Variants in CPLX2 observed in about 807,000 individuals in gnomAD.
CPLX2 encodes complexin-2.
CPLX2 carries 5 observed loss-of-function variants against 16.3 expected under a neutral mutation model. That is an observed-to-expected ratio of 0.31 (90% CI 0.16 to 0.64). The LOEUF is 0.64. Ranked by LOEUF, CPLX2 falls within the 30% of genes least tolerant of loss-of-function variation. CPLX2 has a pLI of 0.79. For missense variants in CPLX2, 144 were observed against 181.4 expected (o/e 0.79, Z 1.18); for synonymous variants, 89 against 73.2 (o/e 1.22, Z -1.10).
intron 2 of CPLX2, among the ~76,000 whole-genome samples, chr5:175,843,117 C>T (rs1758976260): frequency 2.6e-5 from 4 of 152,130 alleles, no homozygotes; most frequent in African/African-American, 9.7e-5. Flanking sequence ...TAGGGGAGGG[C>T]CAGTCGGTCA....
At chr5:175,873,636 T>G (rs560725185) in intron 1 of CPLX2, among the ~76,000 whole-genome samples, 3 of 152,126 alleles carry the variant, frequency 2.0e-5, no homozygotes, top group Non-Finnish European at 2.9e-5. Flanking sequence ...TGAAATTGCA[T>G]GGAGGGAGTG....
At chr5:175,862,274 A>G (rs1759387149) in intron 2 of CPLX2, among the ~76,000 whole-genome samples, 3 of 152,262 alleles carry the variant, frequency 2.0e-5, no homozygotes, top group Non-Finnish European at 4.4e-5. Context: ...TAGGGAAGTC[A>G]GCCAAGAAAG....
intron 2 of CPLX2, among the ~76,000 whole-genome samples, chr5:175,823,813 C>G (rs1286855118): frequency 6.6e-6 from 1 of 152,142 alleles, no homozygotes; most frequent in African/African-American, 2.4e-5. Context: ...TAATGTATCT[C>G]CCTCTCCCCT....
intron 1 of CPLX2, among the ~76,000 whole-genome samples, chr5:175,804,851 A>G (rs1758167657): frequency 6.6e-6 from 1 of 152,204 alleles, no homozygotes; most frequent in African/African-American, 2.4e-5. Flanking sequence ...TTCAGACAAG[A>G]GGAAAAACCC....
intron 2 of CPLX2, among the ~76,000 whole-genome samples, chr5:175,819,651 C>T (rs998521606): frequency 6.6e-6 from 1 of 152,150 alleles, no homozygotes; most frequent in African/African-American, 2.4e-5. Flanking sequence ...AAGTGGGTGT[C>T]CTGGAACCTC....
At chr5:175,862,527 T>C (rs1437428492) in intron 2 of CPLX2, among the ~76,000 whole-genome samples, 1 of 152,204 alleles carries the variant, frequency 6.6e-6, no homozygotes, top group Non-Finnish European at 1.5e-5. Flanking sequence ...CCAAGAACTG[T>C]AAATCATCTG....
At chr5:175,866,470 G>A (rs930434661) in intron 2 of CPLX2, among the ~76,000 whole-genome samples, 5 of 152,216 alleles carry the variant, frequency 3.3e-5, no homozygotes, top group African/African-American at 1.2e-4. Flanking sequence ...ACATGAAAAT[G>A]CAAGGTTTCA....
At chr5:175,801,732 G>A (rs781323785) in intron 1 of CPLX2, among the ~76,000 whole-genome samples, 10 of 152,226 alleles carry the variant, frequency 6.6e-5, no homozygotes, top group African/African-American at 1.7e-4. Flanking sequence ...AGAAAGTGCC[G>A]TATGAGTACG....
In CPLX2 at chr5:175,845,509, T is replaced by C. The variant is rs73803064; in HGVS notation, c.-88-33143T>C. ...ATCAGGCAAAGGTCACTCCCCCTCA[T>C]GAGGGCCACTCCCCCTAGAGTAACT... On this transcript the variant is annotated intron_variant, in intron 2 of 4. Transcript: ENST00000359546. This position sits in a 1 kb window ranked among gnomAD's most constrained non-coding sequence, Gnocchi z 4.0. Among the ~76,000 whole-genome samples the C allele has an allele frequency of 0.086, 13,044 of 152,274 alleles. 1,050 individuals carry two copies. The highest frequency in any genetic ancestry group is 0.21 in the African/African-American group (8,864 of 41,524).
Position 175,876,502 on chromosome 5 carries a change from C to T in CPLX2, c.-88-2150C>T, listed in dbSNP as rs182324792. Among the ~76,000 whole-genome samples, 962 of 151,450 alleles carry T rather than the reference C, an allele frequency of 6.4e-3. 2 individuals carry two copies. The highest frequency in any genetic ancestry group is 0.01 in the Non-Finnish European group (712 of 67,926). Reference sequence around the variant, plus strand: ...AAGGGGAAGCAGGGATAGGAAAGAACTGAGTCACAGAACCAAGAGAGAAGG... The same window carrying T: ...AAGGGGAAGCAGGGATAGGAAAGAATTGAGTCACAGAACCAAGAGAGAAGG... On this transcript the variant is annotated intron_variant, in intron 1 of 3. Coordinates refer to ENST00000393745, the MANE Select transcript of CPLX2 (RefSeq NM_001008220.2).
chr5:175,837,232 GAAGA>G (rs1758854905), intron 2 of CPLX2, among the ~76,000 whole-genome samples: 3 of 152,198 alleles, frequency 2.0e-5, no homozygotes. Context: ...ACTTAGCTCT[GAAGA>G]AAGGCCTCGG....
intron 2 of CPLX2, among the ~76,000 whole-genome samples, chr5:175,823,779 C>T (rs537497720): frequency 2.3e-4 from 35 of 152,248 alleles, no homozygotes; most frequent in African/African-American, 6.3e-4. Flanking sequence ...AGCTTGGCCA[C>T]TACTTGAGGT....
intron 2 of CPLX2, among the ~76,000 whole-genome samples, chr5:175,817,986 C>G (rs1046140359): frequency 6.6e-6 from 1 of 152,176 alleles, no homozygotes; most frequent in African/African-American, 2.4e-5. Context: ...AGCAAACTTT[C>G]CTTCATTCAT....
intron 2 of CPLX2, among the ~76,000 whole-genome samples, chr5:175,828,496 C>T (rs1021453600): frequency 1.3e-5 from 2 of 152,158 alleles, no homozygotes; most frequent in African/African-American, 4.8e-5. Context: ...AACAAATAGA[C>T]TGCCGTATAA....
intron 2 of CPLX2, among the ~76,000 whole-genome samples, chr5:175,820,765 G>A (rs1758491490): frequency 6.6e-6 from 1 of 152,126 alleles, no homozygotes; most frequent in Non-Finnish European, 1.5e-5. Flanking sequence ...TAGGCACCAA[G>A]AGGCCCACCA....
At chr5:175,800,328 C>T (rs150274488) in intron 1 of CPLX2, among the ~76,000 whole-genome samples, 11 of 152,126 alleles carry the variant, frequency 7.2e-5, no homozygotes, top group East Asian at 5.8e-4. Context: ...TCAGAGCACA[C>T]GCAAAGAGCT....
intron 2 of CPLX2, among the ~76,000 whole-genome samples, chr5:175,855,472 G>C (rs1474539188): frequency 1.3e-5 from 2 of 152,184 alleles, no homozygotes; most frequent in African/African-American, 4.8e-5. Flanking sequence ...AAGGCCAAAG[G>C]AGTTATATTT....
chr5:175,882,323 G>GCATCCCCAGT lies in CPLX2; in HGVS notation c.*2279_*2280insATCCCCAGTC, dbSNP rs1755638828. 6.6e-6 allele frequency: 1 copy of GCATCCCCAGT among 152,590 alleles called. No individual in the cohort carries two copies. Among genetic ancestry groups the GCATCCCCAGT allele is most frequent in the Non-Finnish European group, 1.5e-5 (1 of 68,052 alleles). The allele number at this position is 152,590 out of a possible 1,614,324, so 9.5% of individuals were successfully genotyped here. ...GCAGGGCCCAGTCCAGGGGCCCCAGGCCTCCCCAGTCCCAGTGTGCGAGCC... is the reference window on the plus strand; with the variant it reads ...GCAGGGCCCAGTCCAGGGGCCCCAGGCATCCCCAGTCCTCCCCAGTCCCAGTGTGCGAGCC... On this transcript the variant is annotated 3_prime_UTR_variant, in exon 4 of 4. Transcript: ENST00000393745.
chr5:175,823,071 G>T (rs1758542420), intron 2 of CPLX2, among the ~76,000 whole-genome samples: 2 of 152,260 alleles, frequency 1.3e-5, no homozygotes, highest in Admixed American at 1.3e-4. Flanking sequence ...ATCCCTTAAG[G>T]ATGTGTTGGG....
Sources: allele counts gnomAD v4.1 joint callset (sites outside exome capture counted in the v4.1 genomes callset), GRCh38; gene constraint gnomAD v4.1.1; non-coding constraint Gnocchi (gnomAD v3.1); transcripts MANE v1.5; gene names NCBI Gene and HGNC (gene_info 2026-07-23, HGNC 2026-07-21).